SUSD4: variants seen among roughly 807,000 people sequenced by gnomAD.
SUSD4 encodes sushi domain containing 4, also known as sushi domain-containing protein 4.
In SUSD4, 41 loss-of-function variants were observed where a neutral mutation model predicts 50.5. The ratio of observed to expected loss-of-function variants is 0.81; its 90% CI spans 0.63 to 1.05. SUSD4 has a LOEUF of 1.05. SUSD4 is among the 50% of genes least tolerant of loss of function. SUSD4 has a pLI of 0.00. For missense variants in SUSD4, 580 were observed against 634.7 expected (o/e 0.91, Z 0.93); for synonymous variants, 257 against 257.3 (o/e 1.00, Z 0.01).
chr1:223,291,844 T>C (rs1664512218), intron 3 of SUSD4, among the ~76,000 whole-genome samples: 2 of 152,154 alleles, frequency 1.3e-5, no homozygotes, highest in South Asian at 2.1e-4. Context: ...CAAAAAAAAG[T>C]ATATAAAGTT....
At chr1:223,268,735 G>A (rs529806841) in intron 3 of SUSD4, 60 bp from the exon 4 acceptor site, 4 of 1,534,032 alleles carry the variant, frequency 2.6e-6, no homozygotes, top group African/African-American at 2.7e-5. Context: ...GTGGTTCACA[G>A]CTTCACGAGA....
At chr1:223,308,113 G>T (rs1191283364) in intron 2 of SUSD4, among the ~76,000 whole-genome samples, 1 of 152,046 alleles carries the variant, frequency 6.6e-6, no homozygotes, top group Non-Finnish European at 1.5e-5. Context: ...ATTTTTATAA[G>T]AATATTCTGA....
chr1:223,287,723 C>G (rs1409449087), intron 3 of SUSD4, among the ~76,000 whole-genome samples: 2 of 152,054 alleles, frequency 1.3e-5, no homozygotes, highest in African/African-American at 4.8e-5. Flanking sequence ...ATGGATTTAC[C>G]TGAAGTTTAC....
chr1:223,270,600 C>T (rs111237447), intron 3 of SUSD4, among the ~76,000 whole-genome samples: 6,873 of 152,172 alleles, frequency 0.045, 451 homozygotes, highest in African/African-American at 0.14. Flanking sequence ...GACAGAGTCT[C>T]ACTCTGTCAC....
At chr1:223,343,912 C>T (rs569527831) in intron 2 of SUSD4, among the ~76,000 whole-genome samples, 25 of 152,262 alleles carry the variant, frequency 1.6e-4, no homozygotes, top group African/African-American at 6.0e-4. Flanking sequence ...CAACAGAGTA[C>T]GAGAACATGG....
intron 2 of SUSD4, 130 bp from the exon 3 acceptor site, chr1:223,292,781 C>T (rs1664584141): frequency 2.2e-6 from 2 of 923,954 alleles, no homozygotes; most frequent in South Asian, 1.7e-5. Flanking sequence ...ACCACCAAAG[C>T]CAAGGACATT....
At chr1:223,331,530 G>A (rs183045916) in intron 2 of SUSD4, among the ~76,000 whole-genome samples, 12 of 152,270 alleles carry the variant, frequency 7.9e-5, no homozygotes, top group Admixed American at 5.2e-4. Flanking sequence ...ATGCAAGCAC[G>A]GCCTGGCAAT....
intron 2 of SUSD4, among the ~76,000 whole-genome samples, chr1:223,353,695 G>C (rs1263894272): frequency 6.6e-6 from 1 of 152,156 alleles, no homozygotes; most frequent in Non-Finnish European, 1.5e-5. Context: ...ATCTGTATCC[G>C]GAGGGCTGAG....
chr1:223,360,785 T>C (rs1232469421), intron 2 of SUSD4, among the ~76,000 whole-genome samples: 2 of 152,148 alleles, frequency 1.3e-5, no homozygotes, highest in African/African-American at 2.4e-5. Context: ...ACAGTGTCCA[T>C]TAAATATACA....
chr1:223,247,866 C>A (rs973049943), intron 5 of SUSD4, among the ~76,000 whole-genome samples: 1 of 152,128 alleles, frequency 6.6e-6, no homozygotes, highest in Non-Finnish European at 1.5e-5. Flanking sequence ...CCCCCTCCAT[C>A]CCCTACGTGC....
intron 2 of SUSD4, among the ~76,000 whole-genome samples, chr1:223,296,455 C>T (rs1664831111): frequency 6.6e-6 from 1 of 152,104 alleles, no homozygotes; most frequent in South Asian, 2.1e-4. Context: ...AGATGTCTAG[C>T]CATCAGCTGG....
At chr1:223,238,035 C>T (rs1002536237) in intron 5 of SUSD4, among the ~76,000 whole-genome samples, 1 of 151,788 alleles carries the variant, frequency 6.6e-6, no homozygotes, top group African/African-American at 2.4e-5. Context: ...TAGATATAGG[C>T]CTATTCAGAT....
intron 7 of SUSD4, among the ~76,000 whole-genome samples, chr1:223,224,636 C>T (rs898582421): frequency 6.6e-6 from 1 of 152,154 alleles, no homozygotes; most frequent in East Asian, 1.9e-4. Flanking sequence ...CCAGGAGCGG[C>T]GGCAAAGTGA....
chr1:223,301,500 A>T (rs750264293), intron 2 of SUSD4, among the ~76,000 whole-genome samples: 25 of 152,324 alleles, frequency 1.6e-4, no homozygotes, highest in Admixed American at 9.8e-4. Context: ...TCAGCAGTAA[A>T]ATAAAGAGAG....
intron 2 of SUSD4, among the ~76,000 whole-genome samples, chr1:223,327,796 C>T (rs769801633): frequency 2.0e-5 from 3 of 152,226 alleles, no homozygotes; most frequent in Non-Finnish European, 2.9e-5. Context: ...CTAACCCTAT[C>T]ACAGGCAGTT....
intron 2 of SUSD4, among the ~76,000 whole-genome samples, chr1:223,347,259 A>G (rs573546615): frequency 6.6e-6 from 1 of 152,290 alleles, no homozygotes; most frequent in East Asian, 1.9e-4. Context: ...ACTTTTGACA[A>G]TAGTCACCCT....
At chr1:223,254,516 C>T (rs1416847570) in intron 5 of SUSD4, among the ~76,000 whole-genome samples, 8 of 151,902 alleles carry the variant, frequency 5.3e-5, no homozygotes, top group Admixed American at 4.6e-4. Context: ...ACAGCAGATT[C>T]GGAGAGAGAG....
intron 3 of SUSD4, among the ~76,000 whole-genome samples, chr1:223,273,869 G>A (rs1430810430): frequency 4.6e-5 from 7 of 152,166 alleles, no homozygotes; most frequent in African/African-American, 1.7e-4. Context: ...CCTGCCCTAC[G>A]CACCTCTTCC....
At chr1:223,338,834 A>C (rs1667597229) in intron 2 of SUSD4, among the ~76,000 whole-genome samples, 1 of 152,216 alleles carries the variant, frequency 6.6e-6, no homozygotes, top group Non-Finnish European at 1.5e-5. Context: ...TGTTTTAGAC[A>C]AGCTGAGATA....
Sources: gnomAD v4.1 joint callset for allele counts (sites outside exome capture counted in the v4.1 genomes callset) on GRCh38, gnomAD v4.1.1 for gene constraint, MANE v1.5 for transcripts, NCBI Gene and HGNC (gene_info 2026-07-23, HGNC 2026-07-21) for gene names.